MYLK: variants seen among roughly 807,000 people sequenced by gnomAD.
MYLK encodes myosin light chain kinase, smooth muscle.
A neutral mutation model predicts 203.4 loss-of-function variants in MYLK; 106 were observed. The ratio of observed to expected loss-of-function variants is 0.52; its 90% confidence interval spans 0.45 to 0.61. The LOEUF (loss-of-function observed/expected upper bound fraction) is 0.61. Among genes scored for constraint, MYLK ranks in the 20% least tolerant of loss-of-function variants. The pLI, the probability that MYLK is intolerant of heterozygous loss-of-function variation, is 0.00. For missense variants in MYLK, 2,072 were observed against 2,442.3 expected (o/e 0.85, Z 3.20); for synonymous variants, 867 against 959.5 (o/e 0.90, Z 1.78).
At chr3:123,748,672 G>A (rs1184914013) in intron 5 of MYLK, among the ~76,000 whole-genome samples, 1 of 152,190 alleles carries the variant, frequency 6.6e-6, no homozygotes, top group African/African-American at 2.4e-5. Flanking sequence ...GGTTAAATAA[G>A]TATTTTATTA....
chr3:123,776,341 C>T (rs978937775), intron 4 of MYLK, among the ~76,000 whole-genome samples: 1 of 152,156 alleles, frequency 6.6e-6, no homozygotes, highest in Non-Finnish European at 1.5e-5. Flanking sequence ...GATAACAGTG[C>T]AAGCTGAAGA....
At chr3:123,852,878 T>C (rs575811489) in intron 2 of MYLK, among the ~76,000 whole-genome samples, 1 of 152,260 alleles carries the variant, frequency 6.6e-6, no homozygotes, top group East Asian at 1.9e-4. Flanking sequence ...GTCCAGGATT[T>C]GCGGTGTTGG....
At chr3:123,767,890 C>T (rs769445300) in intron 4 of MYLK, among the ~76,000 whole-genome samples, 24 of 152,258 alleles carry the variant, frequency 1.6e-4, no homozygotes, top group Middle Eastern at 3.4e-3. Flanking sequence ...GGGCCAGCTT[C>T]GGGTTAGGAA....
intron 5 of MYLK, among the ~76,000 whole-genome samples, chr3:123,749,277 TC>T (rs1290910595): frequency 2.1e-5 from 3 of 142,290 alleles, no homozygotes; most frequent in Non-Finnish European, 4.6e-5. Context: ...AGACCTAGCC[TC>T]AAAAAAAAAA....
At chr3:123,708,501 G>A (rs1486623284) in intron 15 of MYLK, among the ~76,000 whole-genome samples, 197 bp downstream of exon 15, 3 of 152,206 alleles carry the variant, frequency 2.0e-5, no homozygotes, top group African/African-American at 4.8e-5. Context: ...TCAGAAAGCT[G>A]GGAAAGGCAG....
At chr3:123,742,492 A>G (rs556294782) in intron 5 of MYLK, among the ~76,000 whole-genome samples, 1 of 152,322 alleles carries the variant, frequency 6.6e-6, no homozygotes, top group Admixed American at 6.5e-5. Context: ...AATGGTAAAG[A>G]AGAAATAAAA....
intron 23 of MYLK, among the ~76,000 whole-genome samples, chr3:123,663,616 G>GGAT (rs2108319877): frequency 1.3e-5 from 2 of 152,232 alleles, no homozygotes; most frequent in Non-Finnish European, 2.9e-5. Flanking sequence ...AGAGAAGTAG[G>GGAT]GATGGTGGAG....
At chr3:123,659,530 AAGG>A (rs1266614338) in intron 23 of MYLK, among the ~76,000 whole-genome samples, 4 of 152,210 alleles carry the variant, frequency 2.6e-5, no homozygotes, top group African/African-American at 9.6e-5. Context: ...CTACCAAATT[AAGG>A]AGTTCAGAAA....
Position 123,664,123 on chromosome 3 carries a change from C to T in MYLK, c.3967G>A (p.Val1323Ile). The change falls in exon 23 of 34, where the codon GTC becomes ATC. Residue 1323 changes from valine to isoleucine, a missense_variant. Around this residue, in one of 3 missense-constraint regions of MYLK, gnomAD observed 524 missense variants for 782.4 expected, o/e 0.67. Transcript: ENST00000360304. Reference sequence around the variant, plus strand: ...GACTCACCCACGACAGTGAGGTTGACCTGGGCCTGCCTGCTGCCCAGCTTG... The same window carrying T: ...GACTCACCCACGACAGTGAGGTTGATCTGGGCCTGCCTGCTGCCCAGCTTG... Reference protein sequence around the residue: ...ENKLGSRQAQVNLTVVDKPDP... With the variant: ...ENKLGSRQAQINLTVVDKPDP... The T allele has an allele frequency of 6.2e-7, 1 of 1,614,056 alleles. No individual in the cohort carries two copies. The highest frequency in any genetic ancestry group is 8.5e-7 in the Non-Finnish European group (1 of 1,179,948).
At chr3:123,636,874 T>C (rs2058661837) in intron 29 of MYLK, among the ~76,000 whole-genome samples, 1 of 152,212 alleles carries the variant, frequency 6.6e-6, no homozygotes, top group Non-Finnish European at 1.5e-5. Context: ...TGGTGCAGGT[T>C]CCACTGAGGG....
intron 11 of MYLK, among the ~76,000 whole-genome samples, chr3:123,730,813 A>G (rs534739213): frequency 6.6e-6 from 1 of 152,256 alleles, no homozygotes; most frequent in East Asian, 1.9e-4. Flanking sequence ...GGTAGTGAAA[A>G]TGTTCTGAAA....
chr3:123,760,199 A>T (rs1349923951), intron 4 of MYLK, among the ~76,000 whole-genome samples: 2 of 152,106 alleles, frequency 1.3e-5, no homozygotes, highest in Admixed American at 6.5e-5. Context: ...TATTTATGAG[A>T]CAGAGTCTTG....
Position 123,657,277 on chromosome 3 carries a change from C to T in MYLK, c.4137G>A (p.Lys1379=), listed in dbSNP as rs2059417628. The part of the protein sequence containing the change: ...EIWDSANKTW[K]ELATCRSTSF... Reference sequence around the variant, plus strand: ...AGGTGCTGCGGCATGTGGCTAGTTCCTTCCACGTCTTGTTGGCTGAGTCCC... The same window carrying T: ...AGGTGCTGCGGCATGTGGCTAGTTCTTTCCACGTCTTGTTGGCTGAGTCCC... The change falls in exon 24 of 34, where the codon AAG becomes AAA. Residue 1379 remains lysine (K), a synonymous_variant. Transcript: ENST00000360304. 1.9e-6 allele frequency: 3 copies of T among 1,613,980 alleles called. No homozygotes were observed. The South Asian group carries it at 3.3e-5, about 18-fold the overall frequency.
intron 23 of MYLK, among the ~76,000 whole-genome samples, chr3:123,660,724 A>C (rs78478422): frequency 0.026 from 3,894 of 152,296 alleles, 69 homozygotes; most frequent in Middle Eastern, 0.092. Context: ...AACAAGGAGG[A>C]GTTGTATTAA....
At position 123,735,735 on chromosome 3, in the gene MYLK, C is replaced by G. The variant is rs1445215725; in HGVS notation, c.755-319G>C. 12 of 366,856 alleles carry G rather than the reference C, an allele frequency of 3.3e-5. No homozygotes were observed. The Admixed American group carries it at 4.5e-4, about 14-fold the overall frequency. 22.7% of individuals were successfully genotyped at this position (366,856 alleles called of 1,614,324 possible). ...AAACATCTACTGAAAATTCCAAACC[C>G]AAATGCTGTAACTTACCAGTGTACA... On this transcript the variant is annotated intron_variant, in intron 8 of 33. Transcript: ENST00000360304.
intron 3 of MYLK, among the ~76,000 whole-genome samples, chr3:123,819,787 C>CTTTTT (rs5852369): frequency 5.4e-5 from 4 of 74,534 alleles, no homozygotes; most frequent in Admixed American, 5.3e-4. Context: ...TCTAAGCCTC[C>CTTTTT]TTTTTTTTTT....
chr3:123,761,342 G>A (rs573758158), intron 4 of MYLK, among the ~76,000 whole-genome samples: 12 of 152,162 alleles, frequency 7.9e-5, no homozygotes, highest in Non-Finnish European at 1.8e-4. Context: ...GATCTCTGCA[G>A]CCTGTCTCTG....
At chr3:123,829,808 T>C (rs926055646) in intron 3 of MYLK, among the ~76,000 whole-genome samples, 1 of 152,202 alleles carries the variant, frequency 6.6e-6, no homozygotes, top group African/African-American at 2.4e-5. Flanking sequence ...GAGTGTCCCA[T>C]TGGCTCAGAC....
chr3:123,832,490 C>T lies in MYLK; in HGVS notation c.-126-820G>A, dbSNP rs116693619. 2.3e-3 allele frequency among the ~76,000 whole-genome samples: 357 copies of T among 152,286 alleles called. 1 individual carries two copies. Among genetic ancestry groups the T allele is most frequent in the African/African-American group, 7.8e-3 (324 of 41,556 alleles). ...TTTGAAAATCCAAAGGAAATCAAGC[C>T]CTCACAATGGCATTTGCTGTTTTTG... On this transcript the variant is annotated intron_variant, in intron 2 of 33. Transcript: ENST00000360304.
Sources: allele counts gnomAD v4.1 joint callset (sites outside exome capture counted in the v4.1 genomes callset), GRCh38; gene constraint gnomAD v4.1.1; regional missense constraint gnomAD v4.1.1; transcripts MANE v1.5; gene names NCBI Gene and HGNC (gene_info 2026-07-23, HGNC 2026-07-21).